The following COG5 variants were observed in gnomAD, a reference collection of about 807,000 sequenced individuals.
COG5 encodes the protein conserved oligomeric Golgi complex subunit 5.
In COG5, 86 loss-of-function variants were observed where a neutral mutation model predicts 110.4. The ratio of observed to expected loss-of-function variants is 0.78; its 90% CI spans 0.65 to 0.93. The LOEUF is 0.93. COG5 is among the 40% of genes least tolerant of loss of function. The pLI, the probability that COG5 is intolerant of heterozygous loss-of-function variation, is 0.00. For synonymous variants in COG5, 360 were observed against 334.6 expected (o/e 1.08, Z -0.83); for missense variants, 1,077 against 987.0 (o/e 1.09, Z -1.22).
chr7:107,213,149 T>C (rs956879021), intron 19 of COG5, among the ~76,000 whole-genome samples: 4 of 152,074 alleles, frequency 2.6e-5, no homozygotes, highest in Non-Finnish European at 5.9e-5. Context: ...GCTAATGATC[T>C]ACCCTACCTA....
chr7:107,372,697 T>C lies in COG5; in HGVS notation c.733A>G (p.Ile245Val), dbSNP rs533220570. The change falls in exon 8 of 22, where the codon ATT becomes GTT. Residue 245 changes from isoleucine to valine, a missense_variant. By Grantham distance (29) the Ile-to-Val change is conservative (BLOSUM62 3). Transcript: ENST00000297135. ...CAATATCCATCCACAACACTGGTAA[T>C]AGTATCCTTCAAAGTTCCAAGATTA... ...FYNLGTLKDT[I>V]TSVVDGYCAT... 27 of 1,613,568 alleles carry C rather than the reference T, an allele frequency of 1.7e-5. No individual in the cohort carries two copies. The South Asian group carries it at 2.6e-4, about 16-fold the overall frequency.
intron 18 of COG5, among the ~76,000 whole-genome samples, chr7:107,235,571 C>T (rs551084396): frequency 2.8e-4 from 43 of 152,230 alleles, no homozygotes; most frequent in South Asian, 1.5e-3. Flanking sequence ...GGCGTGGTGG[C>T]GCGTGCCTGT....
At chr7:107,524,380 T>G (rs552874346) in intron 6 of COG5, among the ~76,000 whole-genome samples, 11 of 152,236 alleles carry the variant, frequency 7.2e-5, no homozygotes, top group Non-Finnish European at 1.5e-4. Flanking sequence ...CTTTCAAGTT[T>G]GAAACATTGC....
At chr7:107,315,022 T>G (rs1354824910) in intron 11 of COG5, among the ~76,000 whole-genome samples, 1 of 152,156 alleles carries the variant, frequency 6.6e-6, no homozygotes, top group Non-Finnish European at 1.5e-5. Context: ...AATACTTCCA[T>G]TGCAAGGATC....
At chr7:107,552,563 A>C (rs1023218367) in intron 3 of COG5, among the ~76,000 whole-genome samples, 3 of 152,238 alleles carry the variant, frequency 2.0e-5, no homozygotes, top group African/African-American at 7.2e-5. Context: ...AATGCAAATC[A>C]AAACCACAAT....
intron 11 of COG5, among the ~76,000 whole-genome samples, chr7:107,312,858 AAACT>A (rs1199985137): frequency 8.0e-6 from 1 of 125,470 alleles, no homozygotes; most frequent in Non-Finnish European, 1.9e-5. Context: ...AAGAAGGGAA[AAACT>A]AACAAAGCTT....
chr7:107,543,862 A>C (rs1802230357), intron 5 of COG5, among the ~76,000 whole-genome samples: 1 of 152,160 alleles, frequency 6.6e-6, no homozygotes, highest in Non-Finnish European at 1.5e-5. Context: ...GTCCAGGTCC[A>C]TCCCAGCAGA....
intron 6 of COG5, among the ~76,000 whole-genome samples, chr7:107,501,465 C>T (rs1272762596): frequency 6.6e-6 from 1 of 151,952 alleles, no homozygotes; most frequent in Non-Finnish European, 1.5e-5. Context: ...TGAAACAGAA[C>T]ACATATCTAG....
intron 6 of COG5, among the ~76,000 whole-genome samples, chr7:107,438,781 A>G (rs901396617): frequency 6.6e-6 from 1 of 152,210 alleles, no homozygotes; most frequent in Non-Finnish European, 1.5e-5. Context: ...GAGAAGGAAT[A>G]TAATTTAGAT....
chr7:107,318,274 C>T (rs1248625803), intron 11 of COG5, among the ~76,000 whole-genome samples: 1 of 152,132 alleles, frequency 6.6e-6, no homozygotes, highest in African/African-American at 2.4e-5. Context: ...GATCTGCCCA[C>T]CTTGGCCTCC....
At chr7:107,288,822 T>C (rs2116849695) in intron 12 of COG5, among the ~76,000 whole-genome samples, 1 of 149,872 alleles carries the variant, frequency 6.7e-6, no homozygotes, top group South Asian at 2.1e-4. Context: ...TTTTGTCTTT[T>C]GTTGATTGTG....
rs758557399 is a variant in COG5 at position 107,283,593 on chromosome 7, C to T, written c.1453G>A (p.Gly485Ser). The T allele has an allele frequency of 1.2e-6, 2 of 1,613,860 alleles. No homozygotes were observed. The highest frequency in any genetic ancestry group is 1.7e-6 in the Non-Finnish European group (2 of 1,179,916). The change falls in exon 13 of 22, where the codon GGT becomes AGT. Residue 485 changes from glycine (G) to serine (S), a missense_variant. By Grantham distance (56) the Gly-to-Ser change is moderately conservative. Coordinates refer to ENST00000297135, the MANE Select transcript of COG5 (RefSeq NM_006348.5). The part of the protein sequence containing the change: ...RNPPSSDELD[G>S]IIKTIASELN... ...TACCTTGCTATAGTTTTAATAATAC[C>T]ATCAAGTTCATCAGAGGAAGGAGGA...
chr7:107,203,695 A>G (rs1798532490), intron 21 of COG5, 65 bp from the exon 22 acceptor site: 5 of 1,003,872 alleles, frequency 5.0e-6, no homozygotes, highest in Non-Finnish European at 7.9e-6. Context: ...TTAAGGGGAT[A>G]CCAATATATA....
At chr7:107,535,002 A>G (rs574279450) in intron 5 of COG5, among the ~76,000 whole-genome samples, 4 of 151,796 alleles carry the variant, frequency 2.6e-5, no homozygotes, top group African/African-American at 9.7e-5. Flanking sequence ...ACTAAAACTC[A>G]GGATTAAGAA....
intron 19 of COG5, among the ~76,000 whole-genome samples, chr7:107,224,463 C>T (rs1253667699): frequency 6.6e-6 from 1 of 152,254 alleles, no homozygotes; most frequent in Non-Finnish European, 1.5e-5. Context: ...ACAGCTTTCA[C>T]TGCCCTTTCA....
chr7:107,462,497 A>G (rs926237786), intron 6 of COG5, among the ~76,000 whole-genome samples: 4 of 151,714 alleles, frequency 2.6e-5, no homozygotes, highest in Admixed American at 6.6e-5. Context: ...ACCATCTTTA[A>G]TATGGGGGGT....
intron 5 of COG5, among the ~76,000 whole-genome samples, chr7:107,532,059 A>AC (rs1006753062): frequency 1.2e-4 from 18 of 152,058 alleles, no homozygotes; most frequent in African/African-American, 4.3e-4. Context: ...AAACAGCATT[A>AC]CTTTTTTTCT....
chr7:107,290,523 C>T (rs1048507230), intron 12 of COG5, among the ~76,000 whole-genome samples: 5 of 152,056 alleles, frequency 3.3e-5, no homozygotes, highest in Non-Finnish European at 5.9e-5. Context: ...TCATAATTAC[C>T]TTTACTTTGT....
chr7:107,306,473 C>T (rs995357285), intron 11 of COG5, among the ~76,000 whole-genome samples: 2 of 152,090 alleles, frequency 1.3e-5, no homozygotes, highest in Admixed American at 6.5e-5. Context: ...TTGTAAAACT[C>T]AGAGAAATCT....
Sources: gnomAD v4.1 joint callset for allele counts (sites outside exome capture counted in the v4.1 genomes callset) on GRCh38, gnomAD v4.1.1 for gene constraint, MANE v1.5 for transcripts, NCBI Gene and HGNC (gene_info 2026-07-23, HGNC 2026-07-21) for gene names.